ATP1A1: variants seen among roughly 807,000 people sequenced by gnomAD.
The protein encoded by ATP1A1 is ATPase Na+/K+ transporting subunit alpha 1, also known as sodium/potassium-transporting ATPase subunit alpha-1.
In ATP1A1, 14 loss-of-function variants were observed where a neutral mutation model predicts 114.8. That is an observed-to-expected ratio of 0.12 (90% CI 0.08 to 0.19). ATP1A1 has a LOEUF of 0.19. ATP1A1 is among the 10% of genes least tolerant of loss of function. The probability of loss-of-function intolerance (pLI) is 1.00; values close to 1 mark genes in which losing one functional copy is unlikely to be tolerated. For synonymous variants in ATP1A1, 471 were observed against 466.3 expected (o/e 1.01, Z -0.13); for missense variants, 524 against 1,290.7 (o/e 0.41, Z 9.10).
Position 116,373,407 on chromosome 1 carries a change from C to T in ATP1A1, c.-105C>T. ...GCCCCGCGGCAGCCCTAGCTCCCTC[C>T]ACTTGGCTCCCCTGGTCCCGCTCGC... On this transcript the variant is annotated 5_prime_UTR_variant, in exon 1 of 23. Coordinates refer to ENST00000295598, the MANE Select transcript of ATP1A1 (RefSeq NM_000701.8). 1.6e-6 allele frequency: 2 copies of T among 1,239,812 alleles called. No homozygotes were observed. Among genetic ancestry groups the T allele is most frequent in the East Asian group, 3.2e-5 (1 of 30,968 alleles). The allele number at this position is 1,239,812 out of a possible 1,614,324, so 76.8% of individuals were successfully genotyped here. A position where few individuals can be genotyped will look rare whatever the true frequency, so the allele number is the denominator to read the frequency against.
At chr1:116,380,027 A>C (rs1490281223) in intron 1 of ATP1A1, among the ~76,000 whole-genome samples, 1 of 152,228 alleles carries the variant, frequency 6.6e-6, no homozygotes, top group Admixed American at 6.5e-5. Context: ...CTTGCCCGTC[A>C]AAAGCTTTTG....
At chr1:116,376,798 A>C (rs1348085844) in intron 1 of ATP1A1, among the ~76,000 whole-genome samples, 1 of 152,214 alleles carries the variant, frequency 6.6e-6, no homozygotes, top group Admixed American at 6.5e-5. Context: ...AAAAAACAAA[A>C]AAAAAGATGC....
chr1:116,384,697 A>T lies in ATP1A1; in HGVS notation c.124-86A>T, dbSNP rs547923907. On this transcript the variant is annotated intron_variant, in intron 2 of 22. Coordinates refer to ENST00000295598, the MANE Select transcript of ATP1A1 (RefSeq NM_000701.8). This position sits in a 1 kb window ranked among gnomAD's most constrained non-coding sequence, Gnocchi z 5.1. ...ATCTGCACTTTGTTTAATAAGCTTAATGATAGTAATGAATAATGCTATTTT... is the reference window on the plus strand; with the variant it reads ...ATCTGCACTTTGTTTAATAAGCTTATTGATAGTAATGAATAATGCTATTTT... 8.5e-7 allele frequency: 1 copy of T among 1,172,526 alleles called. No homozygotes were observed. The highest frequency in any genetic ancestry group is 1.2e-6 in the Non-Finnish European group (1 of 812,796). The allele number at this position is 1,172,526 out of a possible 1,614,324, so 72.6% of individuals were successfully genotyped here.
At chr1:116,383,343 A>G in intron 1 of ATP1A1, 1 of 1,068,342 alleles carries the variant, frequency 9.4e-7, no homozygotes, top group South Asian at 2.4e-5. Context: ...CAGTGTTCTT[A>G]TGTGAGCACT....
intron 1 of ATP1A1, chr1:116,373,821 A>C: frequency 8.7e-7 from 1 of 1,144,442 alleles, no homozygotes; most frequent in Non-Finnish European, 1.1e-6. Context: ...GGGGGCTCCG[A>C]GAGGCGGTGC....
chr1:116,398,589 GGTATTA>G lies in ATP1A1; in HGVS notation c.2125-31_2125-26del. 6.2e-7 allele frequency: 1 copy of G among 1,601,478 alleles called. No homozygotes were observed. Among genetic ancestry groups the G allele is most frequent in the Non-Finnish European group, 8.5e-7 (1 of 1,171,680 alleles). On this transcript the variant is annotated intron_variant, in intron 15 of 22. Coordinates refer to ENST00000295598, the MANE Select transcript of ATP1A1 (RefSeq NM_000701.8). The surrounding 1 kb of genome is among the most constrained non-coding windows in gnomAD (Gnocchi z 6.1). ...ATTTCCATCGCTAGGAAAAGTGATT[GGTATTA>G]ACCCGTTTTCCCTTTTCTGGGGTAG... is the stretch of plus-strand genomic sequence containing the variant.
At position 116,393,636 on chromosome 1, in the gene ATP1A1, G is replaced by T; in HGVS notation, c.1573G>T (p.Gly525Cys). ...CCGTTGCAGCTCTATCCTCCTCCACGGCAAGGAGCAGCCCCTGGATGAGGA... is the reference window on the plus strand; with the variant it reads ...CCGTTGCAGCTCTATCCTCCTCCACTGCAAGGAGCAGCCCCTGGATGAGGA... ...LDRCSSILLH[G>C]KEQPLDEELK... Residue 525 changes from glycine (G) to cysteine (C), a missense_variant, in exon 12 of 23, where the codon GGC becomes TGC. Physicochemically the swap from Gly to Cys is radical, Grantham distance 159 (BLOSUM62 -3). Coordinates refer to ENST00000295598, the MANE Select transcript of ATP1A1 (RefSeq NM_000701.8). The surrounding 1 kb of genome is among the most constrained non-coding windows in gnomAD (Gnocchi z 5.0). 1 of 1,614,182 alleles carries T rather than the reference G, an allele frequency of 6.2e-7. No homozygotes were observed. The highest frequency in any genetic ancestry group is 8.5e-7 in the Non-Finnish European group (1 of 1,180,028).
chr1:116,373,370 T>TGCCCCCCCCCCCCC lies in ATP1A1; in HGVS notation c.-142_-141insGCCCCCCCCCCCCC. ...CATCGGCCCGAGCCGCCGGCCGCCC[T>TGCCCCCCCCCCCCC]CCCACCCTCCCGCCCCGCGGCAGCC... On this transcript the variant is annotated 5_prime_UTR_variant, in exon 1 of 23. Coordinates refer to ENST00000295598, the MANE Select transcript of ATP1A1 (RefSeq NM_000701.8). 3.0e-6 allele frequency: 1 copy of TGCCCCCCCCCCCCC among 333,836 alleles called. No homozygotes were observed. The highest frequency in any genetic ancestry group is 5.2e-6 in the Non-Finnish European group (1 of 191,792). 20.7% of individuals were successfully genotyped at this position (333,836 alleles called of 1,614,324 possible). A position where few individuals can be genotyped will look rare whatever the true frequency, so the allele number is the denominator to read the frequency against.
rs1652032297 is a variant in ATP1A1, at chr1:116,385,691, C to G, written c.183+849C>G. 6.6e-6 allele frequency: 1 copy of G among 152,194 alleles called. No homozygotes were observed. The highest frequency in any genetic ancestry group is 2.1e-4 in the South Asian group (1 of 4,826). 9.4% of individuals were successfully genotyped at this position (152,194 alleles called of 1,614,324 possible). ...GCCCTCCTTTTCACCTGTCGCAAGG[C>G]AGGACTCTAATCTTGTTCCACTTTT... On this transcript the variant is annotated intron_variant, in intron 3 of 22. Coordinates refer to ENST00000295598, the MANE Select transcript of ATP1A1 (RefSeq NM_000701.8). This position sits in a 1 kb window ranked among gnomAD's most constrained non-coding sequence, Gnocchi z 4.3.
At chr1:116,382,788 A>T (rs1651831404) in intron 1 of ATP1A1, among the ~76,000 whole-genome samples, 1 of 152,232 alleles carries the variant, frequency 6.6e-6, no homozygotes, top group Admixed American at 6.5e-5. Flanking sequence ...TAATCTGGAC[A>T]CGAGTTCCTA....
chr1:116,396,993 G>T (rs1290499020), intron 14 of ATP1A1, among the ~76,000 whole-genome samples: 1 of 152,160 alleles, frequency 6.6e-6, no homozygotes, highest in Non-Finnish European at 1.5e-5. Context: ...GGGAAGGTAA[G>T]GATTCAAGAG....
rs371087257 is a variant in ATP1A1 at position 116,398,017 on chromosome 1, T to C, written c.2103T>C (p.Ile701=). 8.1e-5 allele frequency: 131 copies of C among 1,613,928 alleles called. No homozygotes were observed. Among genetic ancestry groups the C allele is most frequent in the Non-Finnish European group, 1.0e-4 (123 of 1,180,002 alleles). ...ARTSPQQKLI[I]VEGCQRQGAI... is the part of the protein sequence containing the mutation. ...CCTCCCCTCAGCAGAAGCTCATCAT[T>C]GTGGAAGGCTGCCAAAGACAGGTCA... Residue 701 remains isoleucine, a synonymous_variant, in exon 15 of 23, where the codon ATT becomes ATC. Transcript: ENST00000295598. The surrounding 1 kb of genome is among the most constrained non-coding windows in gnomAD (Gnocchi z 6.1).
chr1:116,403,063 A>G (rs1377506899), intron 21 of ATP1A1, among the ~76,000 whole-genome samples: 1 of 152,188 alleles, frequency 6.6e-6, no homozygotes, highest in African/African-American at 2.4e-5. Context: ...GGGCATTTCC[A>G]TCTTCTGGGT....
In ATP1A1 at chr1:116,390,307, TC is replaced by T; in HGVS notation, c.1119del (p.Cys374AlafsTer8). 6.2e-7 allele frequency: 1 copy of T among 1,614,116 alleles called. No individual in the cohort carries two copies. The highest frequency in any genetic ancestry group is 8.5e-7 in the Non-Finnish European group (1 of 1,180,024). ...GAGACCTTGGGGTCCACGTCCACCA[TC>T]TGCTCTGATAAAACTGGAACTCTGA... ...AVETLGSTST[I>X]CSDKTGTLTQ... On this transcript the variant is annotated frameshift_variant, in exon 9 of 23. Coordinates refer to ENST00000295598, the MANE Select transcript of ATP1A1 (RefSeq NM_000701.8). LOFTEE classifies it high-confidence loss of function.
In ATP1A1 at chr1:116,389,176, T is replaced by C. The variant is rs550879881; in HGVS notation, c.754+157T>C. On this transcript the variant is annotated intron_variant, in intron 7 of 22. Transcript: ENST00000295598. The surrounding 1 kb of genome is among the most constrained non-coding windows in gnomAD (Gnocchi z 6.9). The stretch of plus-strand genomic sequence containing the variant: ...GTGTTTTCCTAGCTGGCAGGAAACC[T>C]TGTGGCAGTTTCCCTTCCCTCCACC... 5.0e-4 allele frequency among the ~76,000 whole-genome samples: 76 copies of C among 152,316 alleles called. No homozygotes were observed. Among genetic ancestry groups the C allele is most frequent in the African/African-American group, 1.7e-3 (71 of 41,590 alleles).
At position 116,397,798 on chromosome 1, in the gene ATP1A1, G is replaced by T; in HGVS notation, c.1974-90G>T. The T allele has an allele frequency of 2.8e-6, 4 of 1,448,762 alleles. No individual in the cohort carries two copies. Among genetic ancestry groups the T allele is most frequent in the Non-Finnish European group, 3.7e-6 (4 of 1,075,470 alleles). 89.7% of individuals were successfully genotyped at this position (1,448,762 alleles called of 1,614,324 possible). ...TCCTTCTTTGTTTTGTTTACAAAGT[G>T]ATCTGCATAAGAATATCCCCTCTTG... On this transcript the variant is annotated intron_variant, in intron 14 of 22. Transcript: ENST00000295598. This position sits in a 1 kb window ranked among gnomAD's most constrained non-coding sequence, Gnocchi z 4.2.
At chr1:116,380,126 T>C (rs962554828) in intron 1 of ATP1A1, among the ~76,000 whole-genome samples, 2 of 152,240 alleles carry the variant, frequency 1.3e-5, no homozygotes, top group Non-Finnish European at 2.9e-5. Context: ...TGAAAATGCC[T>C]TCTCTAGGTT....
Position 116,404,722 on chromosome 1 carries a change from G to A in ATP1A1, c.*278G>A. On this transcript the variant is annotated 3_prime_UTR_variant, in exon 23 of 23. Transcript: ENST00000295598. This position sits in a 1 kb window ranked among gnomAD's most constrained non-coding sequence, Gnocchi z 4.8. ...AAAGGAACACCCGGAAAGACTGAAA[G>A]AATACATTTTATATCTGGATTTTTA... is the stretch of plus-strand genomic sequence containing the variant. The A allele has an allele frequency of 8.1e-7, 1 of 1,241,820 alleles. No individual in the cohort carries two copies. Among genetic ancestry groups the A allele is most frequent in the Non-Finnish European group, 1.0e-6 (1 of 995,062 alleles). 76.9% of individuals were successfully genotyped at this position (1,241,820 alleles called of 1,614,324 possible).
chr1:116,380,400 G>A (rs1651664940), intron 1 of ATP1A1, among the ~76,000 whole-genome samples: 1 of 152,186 alleles, frequency 6.6e-6, no homozygotes, highest in South Asian at 2.1e-4. Flanking sequence ...GAAAAATGCA[G>A]GTTGAGAAAG....
Sources: gnomAD v4.1 joint callset for allele counts (sites outside exome capture counted in the v4.1 genomes callset) on GRCh38, gnomAD v4.1.1 for gene constraint, Gnocchi (gnomAD v3.1) non-coding constraint, MANE v1.5 for transcripts, NCBI Gene and HGNC (gene_info 2026-07-23, HGNC 2026-07-21) for gene names.